Variants in UHRF2 observed in about 807,000 individuals in gnomAD.
The protein encoded by UHRF2 is E3 ubiquitin-protein ligase UHRF2.
UHRF2 carries 23 observed loss-of-function variants against 96.8 expected under a neutral mutation model. That is an observed-to-expected ratio of 0.24 (90% CI 0.17 to 0.34). The LOEUF (loss-of-function observed/expected upper bound fraction) is 0.34. Among genes scored for constraint, UHRF2 ranks in the 10% least tolerant of loss-of-function variants. The probability of loss-of-function intolerance (pLI) is 1.00; values close to 1 mark genes in which losing one functional copy is unlikely to be tolerated. For synonymous variants in UHRF2, 385 were observed against 332.6 expected, an observed-to-expected ratio of 1.16 and a Z score of -1.72; for missense variants, 685 against 981.5, an observed-to-expected ratio of 0.70 and a Z score of 4.04.
intron 4 of UHRF2, among the ~76,000 whole-genome samples, chr9:6,472,494 A>G (rs745707880): frequency 1.4e-4 from 21 of 152,250 alleles, no homozygotes; most frequent in Non-Finnish European, 2.5e-4. Context: ...ATTAACTTCC[A>G]AAACTGGGGG....
chr9:6,481,580 ATTCTG>A, intron 6 of UHRF2, 58 bp from the exon 7 acceptor site: 8 of 1,572,172 alleles, frequency 5.1e-6, no homozygotes, highest in Non-Finnish European at 6.9e-6. Context: ...GAAGGCTAAT[ATTCTG>A]TTACTAGCTT....
At position 6,484,360 on chromosome 9, in the gene UHRF2, T is replaced by TGGC. The variant is rs554714896; in HGVS notation, c.1392+2267_1392+2269dup. Among the ~76,000 whole-genome samples, 87 of 151,868 alleles carry TGGC rather than the reference T, an allele frequency of 5.7e-4. 1 individual carries two copies. The East Asian group carries it at 0.016, about 28-fold the overall frequency. On this transcript the variant is annotated intron_variant, in intron 8 of 15. Coordinates refer to ENST00000276893, the MANE Select transcript of UHRF2 (RefSeq NM_152896.3). ...CAAAGCACTGGGATTATAGGCTTAG[T>TGGC]GGCGGCGGTGGTGGCAGGTGTGGCA...
intron 1 of UHRF2, among the ~76,000 whole-genome samples, chr9:6,420,283 C>G (rs1158929030): frequency 6.6e-6 from 1 of 151,924 alleles, no homozygotes; most frequent in Admixed American, 6.6e-5. Context: ...TCTCAAACTC[C>G]TGACCTCGTC....
chr9:6,487,193 T>TTATTTTTA (rs1824349769), intron 9 of UHRF2, among the ~76,000 whole-genome samples: 7 of 130,616 alleles, frequency 5.4e-5, no homozygotes, highest in Admixed American at 4.5e-4. Flanking sequence ...TTTTTTTTTT[T>TTATTTTTA]TTTTTTTTTT....
chr9:6,443,692 A>G (rs1821323966), intron 3 of UHRF2, among the ~76,000 whole-genome samples: 1 of 152,240 alleles, frequency 6.6e-6, no homozygotes, highest in Non-Finnish European at 1.5e-5. Flanking sequence ...TTTTAGTATT[A>G]AAAGGGTTGC....
chr9:6,470,829 A>G (rs1823201543), intron 4 of UHRF2, among the ~76,000 whole-genome samples: 1 of 152,224 alleles, frequency 6.6e-6, no homozygotes, highest in South Asian at 2.1e-4. Flanking sequence ...AAGTGAAAAA[A>G]TAAATATTAG....
rs1816610434 is a variant in UHRF2, at chr9:6,506,878, A to G, written c.*699A>G. 1 of 152,612 alleles carries G rather than the reference A, an allele frequency of 6.6e-6. No individual in the cohort carries two copies. Among genetic ancestry groups the G allele is most frequent in the African/African-American group, 2.4e-5 (1 of 41,446 alleles). The allele number at this position is 152,612 out of a possible 1,614,324, so 9.5% of individuals were successfully genotyped here. ...TAGTTGTAAATGTTCATGAAAATCC[A>G]CTTCTCTACTAGTCGAACTGCTTTT... On this transcript the variant is annotated 3_prime_UTR_variant, in exon 16 of 16. Coordinates refer to ENST00000276893, the MANE Select transcript of UHRF2 (RefSeq NM_152896.3).
intron 3 of UHRF2, among the ~76,000 whole-genome samples, chr9:6,450,746 C>T (rs934324448): frequency 3.3e-5 from 5 of 152,108 alleles, no homozygotes; most frequent in Admixed American, 1.3e-4. Flanking sequence ...TCATCTTTAG[C>T]CTTTGGAAGA....
intron 2 of UHRF2, among the ~76,000 whole-genome samples, chr9:6,425,769 A>G (rs1190741009): frequency 8.1e-5 from 1 of 12,418 alleles, no homozygotes; most frequent in Non-Finnish European, 1.4e-4. Context: ...CAAAGTAAAT[A>G]AATTAAAAAA....
intron 3 of UHRF2, among the ~76,000 whole-genome samples, chr9:6,452,369 C>T (rs1181366409): frequency 6.6e-6 from 1 of 152,114 alleles, no homozygotes; most frequent in African/African-American, 2.4e-5. Context: ...TAACAGATGC[C>T]CCTCTAAGAG....
At chr9:6,422,095 A>T (rs1402984982) in intron 2 of UHRF2, among the ~76,000 whole-genome samples, 1 of 152,168 alleles carries the variant, frequency 6.6e-6, no homozygotes, top group East Asian at 1.9e-4. Context: ...AAGAATTTCT[A>T]CCTAGGAATA....
chr9:6,442,477 G>GTTTTGTTTTGT (rs113583280), intron 3 of UHRF2, among the ~76,000 whole-genome samples: 1,421 of 11,930 alleles, frequency 0.12, 33 homozygotes, highest in African/African-American at 0.14. Flanking sequence ...GTTTTGTTTT[G>GTTTTGTTTTGT]TTTGTTTTGT....
chr9:6,479,131 C>T (rs1266927010), intron 6 of UHRF2, among the ~76,000 whole-genome samples: 1 of 152,132 alleles, frequency 6.6e-6, no homozygotes, highest in African/African-American at 2.4e-5. Context: ...TCCCATTTCT[C>T]CCACTGGCTG....
At chr9:6,429,992 CA>C (rs1412811078) in intron 2 of UHRF2, among the ~76,000 whole-genome samples, 5 of 152,098 alleles carry the variant, frequency 3.3e-5, no homozygotes, top group African/African-American at 1.2e-4. Flanking sequence ...GATATTTGGA[CA>C]GGGGAAACTT....
chr9:6,498,149 A>T lies in UHRF2; in HGVS notation c.1899A>T (p.Leu633=). 6.2e-7 allele frequency: 1 copy of T among 1,613,396 alleles called. No individual in the cohort carries two copies. The part of the protein sequence containing the change: ...EGIERSRRLC[L]RLQYPAGYPS... Reference sequence around the variant, plus strand: ...TAGAACGGTCAAGGAGATTATGTCTACGTTTACAGGTTAGATTACATTTGT... The same window carrying T: ...TAGAACGGTCAAGGAGATTATGTCTTCGTTTACAGGTTAGATTACATTTGT... Residue 633 remains leucine, a synonymous_variant, in exon 12 of 16, where the codon CTA becomes CTT. Coordinates refer to ENST00000276893, the MANE Select transcript of UHRF2 (RefSeq NM_152896.3).
intron 8 of UHRF2, chr9:6,484,450 C>G (rs1247319208): frequency 6.7e-6 from 1 of 150,184 alleles, no homozygotes; most frequent in African/African-American, 2.5e-5. Flanking sequence ...CTCCTCCCTC[C>G]TCCCCCCTCC....
chr9:6,437,259 G>A (rs939331422), intron 3 of UHRF2, among the ~76,000 whole-genome samples: 2 of 152,216 alleles, frequency 1.3e-5, no homozygotes, highest in African/African-American at 2.4e-5. Context: ...TTTAGACAGA[G>A]TCTCGTTCTG....
intron 3 of UHRF2, among the ~76,000 whole-genome samples, chr9:6,435,094 A>G (rs1381482691): frequency 6.6e-6 from 1 of 151,790 alleles, no homozygotes; most frequent in Non-Finnish European, 1.5e-5. Context: ...CCCAGGTTCA[A>G]GCTAGTCTCC....
chr9:6,445,513 G>A (rs1448708705), intron 3 of UHRF2, among the ~76,000 whole-genome samples: 3 of 151,982 alleles, frequency 2.0e-5, no homozygotes, highest in Non-Finnish European at 2.9e-5. Flanking sequence ...CACCTGCCTC[G>A]GCCTCCCAAA....
Sources: gnomAD v4.1 joint callset for allele counts (sites outside exome capture counted in the v4.1 genomes callset) on GRCh38, gnomAD v4.1.1 for gene constraint, MANE v1.5 for transcripts, NCBI Gene and HGNC (gene_info 2026-07-23, HGNC 2026-07-21) for gene names.